Variants in MUC4 observed in about 807,000 individuals in gnomAD.
MUC4 encodes the protein mucin 4, cell surface associated.
MUC4 carries 202 observed loss-of-function variants against 257.9 expected under a neutral mutation model. The ratio of observed to expected loss-of-function variants is 0.78; its 90% CI spans 0.70 to 0.88. MUC4 has a LOEUF of 0.88. Among genes scored for constraint, MUC4 ranks in the 40% least tolerant of loss-of-function variants. The probability of loss-of-function intolerance (pLI) is 0.00; values close to 1 mark genes in which losing one functional copy is unlikely to be tolerated. For missense variants in MUC4, 5,976 were observed against 6,513.7 expected (o/e 0.92, Z 2.84); for synonymous variants, 2,351 against 2,757.1 (o/e 0.85, Z 4.62).
chr3:195,760,237 A>C (rs1460883046), intron 16 of MUC4, among the ~76,000 whole-genome samples: 1 of 152,222 alleles, frequency 6.6e-6, no homozygotes, highest in Non-Finnish European at 1.5e-5. Context: ...GGCAAACATG[A>C]AGTGTGGGTG....
chr3:195,804,679 A>G (rs1478610539), intron 1 of MUC4, among the ~76,000 whole-genome samples: 1 of 152,264 alleles, frequency 6.6e-6, no homozygotes, highest in South Asian at 2.1e-4. Flanking sequence ...TGTAAGCCCA[A>G]GGGAAGTGCC....
Position 195,746,831 on chromosome 3 carries a change from T to G in MUC4, c.*345A>C. Reference sequence around the variant, plus strand: ...AGTTAATTTGAAGTAAACCAGAGAGTTTTGTGTGCAGAAGCATTTTGCTTA... The same window carrying G: ...AGTTAATTTGAAGTAAACCAGAGAGGTTTGTGTGCAGAAGCATTTTGCTTA... On this transcript the variant is annotated 3_prime_UTR_variant, in exon 25 of 25. Coordinates refer to ENST00000463781, the MANE Select transcript of MUC4 (RefSeq NM_018406.7). 3 of 355,444 alleles carry G rather than the reference T, an allele frequency of 8.4e-6. No homozygotes were observed. Among genetic ancestry groups the G allele is most frequent in the South Asian group, 1.6e-4 (2 of 12,248 alleles). 22.0% of individuals were successfully genotyped at this position (355,444 alleles called of 1,614,324 possible). A position where few individuals can be genotyped will look rare whatever the true frequency, so the allele number is the denominator to read the frequency against.
chr3:195,789,812 T>C lies in MUC4; in HGVS notation c.1768A>G (p.Ile590Val). 6.2e-7 allele frequency: 1 copy of C among 1,614,006 alleles called. No individual in the cohort carries two copies. The highest frequency in any genetic ancestry group is 8.5e-7 in the Non-Finnish European group (1 of 1,179,878). The change falls in exon 2 of 25, where the codon ATA becomes GTA. Residue 590 changes from isoleucine to valine, a missense_variant. Ile to Val is a conservative substitution (Grantham distance 29). Transcript: ENST00000463781. ...SSPSYSVTQM[I>V]KTATSPSSSP... ...GAAGATGGGGATGTGGCCGTTTTTA[T>C]CATCTGAGTCACACTGTAGCTTGGG...
rs1736791674 is a variant in MUC4, at chr3:195,811,845, C to T, written c.-28G>A. On this transcript the variant is annotated 5_prime_UTR_variant, in exon 1 of 25. Coordinates refer to ENST00000463781, the MANE Select transcript of MUC4 (RefSeq NM_018406.7). The stretch of plus-strand genomic sequence containing the variant: ...CTGCGGCAAAAGTCCCCCTGGCTCC[C>T]TGGGGAAGCTCCACGGCCCAGCAGC... The T allele has an allele frequency of 6.2e-7, 1 of 1,609,574 alleles. No individual in the cohort carries two copies. The highest frequency in any genetic ancestry group is 8.5e-7 in the Non-Finnish European group (1 of 1,176,846).
In MUC4 at chr3:195,788,511, G is replaced by A. The variant is rs779130305; in HGVS notation, c.3069C>T (p.Thr1023=). ...AGGAAGTGTCGGTGACAGGAAGAGG[G>A]GTGGTGTGACCTGTGGATACTGAGG... is the stretch of plus-strand genomic sequence containing the variant. The part of the protein sequence containing the change: ...SPSSVSTGHT[T]PLPVTDTSSE... Residue 1023 remains threonine (T), a synonymous_variant, in exon 2 of 25, where the codon ACC becomes ACT. Transcript: ENST00000463781. The A allele has an allele frequency of 6.2e-5, 93 of 1,491,770 alleles. No individual in the cohort carries two copies. Among genetic ancestry groups the A allele is most frequent in the Non-Finnish European group, 2.5e-5 (28 of 1,115,310 alleles). 92.4% of individuals were successfully genotyped at this position (1,491,770 alleles called of 1,614,324 possible). A position where few individuals can be genotyped will look rare whatever the true frequency, so the allele number is the denominator to read the frequency against.
intron 5 of MUC4, among the ~76,000 whole-genome samples, chr3:195,771,146 C>T (rs983880294): frequency 1.0e-4 from 12 of 118,132 alleles, no homozygotes; most frequent in African/African-American, 2.4e-4. Context: ...GTCTCGCGGC[C>T]GGGTTGGGGT....
At chr3:195,768,634 G>T (rs1411873458) in intron 7 of MUC4, among the ~76,000 whole-genome samples, 1 of 152,236 alleles carries the variant, frequency 6.6e-6, no homozygotes, top group Non-Finnish European at 1.5e-5. Context: ...ATGATAAATA[G>T]TATCTGCCTC....
chr3:195,754,877 GTATCC>G (rs797012967), intron 18 of MUC4, among the ~76,000 whole-genome samples: 1 of 21,836 alleles, frequency 4.6e-5, no homozygotes, highest in South Asian at 1.3e-3. Flanking sequence ...ATCAATGTAT[GTATCC>G]ATGTATGTAT....
chr3:195,763,289 G>A, intron 12 of MUC4, 144 bp downstream of exon 12: 1 of 853,480 alleles, frequency 1.2e-6, no homozygotes, highest in South Asian at 2.4e-5. Flanking sequence ...ATTTACTCCG[G>A]GACAGCTGCG....
Position 195,748,918 on chromosome 3 carries a change from T to G in MUC4, c.16018A>C (p.Ser5340Arg). 1 of 1,586,326 alleles carries G rather than the reference T, an allele frequency of 6.3e-7. No individual in the cohort carries two copies. Among genetic ancestry groups the G allele is most frequent in the Non-Finnish European group, 8.6e-7 (1 of 1,166,748 alleles). ...CCTATGCACCTGCAGCGGGGCCCAC[T>G]GGGCAGGTGCTGGCACTGGCCTCCA... Reference protein sequence around the residue: ...DHGGQCQHLPSGPRCSCVSFS... With the variant: ...DHGGQCQHLPRGPRCSCVSFS... The change falls in exon 24 of 25, where the codon AGT (serine) becomes CGT (arginine). Residue 5340 changes from serine (S) to arginine (R), a missense_variant. By Grantham distance (110) the Ser-to-Arg change is moderately radical. Coordinates refer to ENST00000463781, the MANE Select transcript of MUC4 (RefSeq NM_018406.7).
chr3:195,800,890 G>GAAAAA (rs59625247), intron 1 of MUC4, among the ~76,000 whole-genome samples: 5 of 91,376 alleles, frequency 5.5e-5, no homozygotes, highest in South Asian at 4.2e-4. Context: ...CCCCTTCTCT[G>GAAAAA]AAAAAAAAAA....
chr3:195,758,230 G>A (rs1718047634), intron 17 of MUC4, among the ~76,000 whole-genome samples: 1 of 152,150 alleles, frequency 6.6e-6, no homozygotes, highest in African/African-American at 2.4e-5. Context: ...TGTGCTTGGA[G>A]CCTTTGGCCC....
At chr3:195,753,924 C>T in intron 19 of MUC4, 1 of 388,850 alleles carries the variant, frequency 2.6e-6, no homozygotes. Context: ...CCGGGGCTCC[C>T]CCCATCAATG....
At position 195,780,570 on chromosome 3, in the gene MUC4, A is replaced by G. The variant is rs1727151109; in HGVS notation, c.11010T>C (p.Thr3670=). ...TGGTGTCACCTGTGGATGCTGAGGA[A>G]GTGTCGGTGACAGGAAGAGGGGTGG... is the stretch of plus-strand genomic sequence containing the variant. ...GHATPLPVTD[T]SSASTGDTTR... The change falls in exon 2 of 25, where the codon ACT becomes ACC. Residue 3670 remains threonine, a synonymous_variant. Coordinates refer to ENST00000463781, the MANE Select transcript of MUC4 (RefSeq NM_018406.7). The G allele has an allele frequency of 1.1e-6, 1 of 893,514 alleles. No individual in the cohort carries two copies. Among genetic ancestry groups the G allele is most frequent in the African/African-American group, 4.6e-5 (1 of 21,674 alleles). 55.3% of individuals were successfully genotyped at this position (893,514 alleles called of 1,614,324 possible).
rs559304967 is a variant in MUC4 at position 195,748,897 on chromosome 3, T to C, written c.16034+5A>G. The C allele has an allele frequency of 6.3e-6, 10 of 1,575,254 alleles. No homozygotes were observed. The highest frequency in any genetic ancestry group is 8.6e-6 in the Non-Finnish European group (10 of 1,162,244). On this transcript the variant is annotated splice_donor_5th_base_variant and intron_variant, in intron 24 of 24. Transcript: ENST00000463781. ...CCTCCACCTCCTGGCCACAGCCCTA[T>C]GCACCTGCAGCGGGGCCCACTGGGC...
In MUC4 at chr3:195,757,839, T is replaced by G. The variant is rs555683991; in HGVS notation, c.14987-511A>C. ...TACATATCTTCAGATCAAACTGATATTTTTCAAGAAAATAGGAAAGTCTCC... is the reference window on the plus strand; with the variant it reads ...TACATATCTTCAGATCAAACTGATAGTTTTCAAGAAAATAGGAAAGTCTCC... On this transcript the variant is annotated intron_variant, in intron 17 of 24. Transcript: ENST00000463781. This position sits in a 1 kb window ranked among gnomAD's most constrained non-coding sequence, Gnocchi z 4.8. Among the ~76,000 whole-genome samples the G allele has an allele frequency of 6.6e-6, 1 of 152,302 alleles. No individual in the cohort carries two copies. Among genetic ancestry groups the G allele is most frequent in the South Asian group, 2.1e-4 (1 of 4,828 alleles).
chr3:195,766,410 G>A (rs1720500293), intron 8 of MUC4, among the ~76,000 whole-genome samples: 1 of 152,090 alleles, frequency 6.6e-6, no homozygotes, highest in Admixed American at 6.5e-5. Flanking sequence ...AGCCCTCTTG[G>A]GCTGGTTCAT....
At position 195,789,491 on chromosome 3, in the gene MUC4, G is replaced by C. The variant is rs753977859; in HGVS notation, c.2089C>G (p.Pro697Ala). Residue 697 changes from proline to alanine, a missense_variant, in exon 2 of 25, where the codon CCA (proline) becomes GCA (alanine). By Grantham distance (27) the Pro-to-Ala change is conservative. Around this residue, in one of 44 missense-constraint regions of MUC4, gnomAD observed 1,583 missense variants for 1,257.4 expected, o/e 1.26. Transcript: ENST00000463781. ...GTGTGACCATCCCCGGTGGGAGCTG[G>C]GGCAAAGGTTGTTGCTGCACTTATG... ...PTISAATTFA[P>A]APTGDGHTTQ... 12 of 1,613,750 alleles carry C rather than the reference G, an allele frequency of 7.4e-6. No individual in the cohort carries two copies. Among genetic ancestry groups the C allele is most frequent in the South Asian group, 3.3e-5 (3 of 91,088 alleles).
In MUC4 at chr3:195,784,728, A is replaced by T; in HGVS notation, c.6852T>A (p.Gly2284=). Residue 2284 remains glycine, a synonymous_variant, in exon 2 of 25, where the codon GGT becomes GGA. Transcript: ENST00000463781. ...TAGTGACAGGAAGAGGAGTGGTGTCACCTGTGGATACTGAGGAAAGGCTGG... is the reference window on the plus strand; with the variant it reads ...TAGTGACAGGAAGAGGAGTGGTGTCTCCTGTGGATACTGAGGAAAGGCTGG... ...PVTSLSSVST[G]DTTPLPVTSP... 1 of 1,454,876 alleles carries T rather than the reference A, an allele frequency of 6.9e-7. No individual in the cohort carries two copies. The highest frequency in any genetic ancestry group is 2.7e-5 in the East Asian group (1 of 36,720). 90.1% of individuals were successfully genotyped at this position (1,454,876 alleles called of 1,614,324 possible).
Sources: gnomAD v4.1 joint callset for allele counts (sites outside exome capture counted in the v4.1 genomes callset) on GRCh38, gnomAD v4.1.1 for gene constraint, gnomAD v4.1.1 regional missense constraint, Gnocchi (gnomAD v3.1) non-coding constraint, MANE v1.5 for transcripts, NCBI Gene and HGNC (gene_info 2026-07-23, HGNC 2026-07-21) for gene names.